Variants in MYH8 observed in about 807,000 individuals in gnomAD.
MYH8 encodes the protein myosin heavy chain 8.
In MYH8, 168 loss-of-function variants were observed where a neutral mutation model predicts 233.2. The observed-to-expected ratio is 0.72, with a 90% CI of 0.64 to 0.82. The LOEUF is 0.82. Ranked by LOEUF, MYH8 falls within the 40% of genes least tolerant of loss-of-function variation. The pLI is 0.00. For synonymous variants in MYH8, 785 were observed against 850.6 expected (o/e 0.92, Z 1.34); for missense variants, 1,995 against 2,327.8 (o/e 0.86, Z 2.94).
At chr17:10,402,229 A>G (rs2072149566) in intron 22 of MYH8, among the ~76,000 whole-genome samples, 1 of 152,194 alleles carries the variant, frequency 6.6e-6, no homozygotes. Context: ...ATTTTGATTT[A>G]GTTAAATTGG....
At chr17:10,412,860 G>A (rs992097170) in intron 12 of MYH8, 132 bp from the exon 13 acceptor site, 1 of 905,920 alleles carries the variant, frequency 1.1e-6, no homozygotes. Flanking sequence ...GCCAAATGAG[G>A]TTTTCTAACC....
intron 39 of MYH8, among the ~76,000 whole-genome samples, chr17:10,390,929 A>G (rs1051578078): frequency 6.6e-6 from 1 of 152,232 alleles, no homozygotes; most frequent in South Asian, 2.1e-4. Flanking sequence ...TTGGGGAAAT[A>G]CCACTTAATA....
chr17:10,413,065 A>C (rs558354691), intron 12 of MYH8, among the ~76,000 whole-genome samples: 12 of 152,102 alleles, frequency 7.9e-5, no homozygotes, highest in Admixed American at 5.9e-4. Flanking sequence ...GGATAAGATA[A>C]ATATTCACTG....
In MYH8 at chr17:10,415,068, GAAATCA is replaced by G. The variant is rs1442595184; in HGVS notation, c.805+42_805+47del. 2 of 1,564,178 alleles carry G rather than the reference GAAATCA, an allele frequency of 1.3e-6. No individual in the cohort carries two copies. ...AGGGTGGCAAAATATCCCTGCAAAT[GAAATCA>G]CTTGTCTCTCTGTTTTGATTTTCAA... On this transcript the variant is annotated intron_variant, in intron 9 of 39. Transcript: ENST00000403437. This position sits in a 1 kb window ranked among gnomAD's most constrained non-coding sequence, Gnocchi z 4.1.
At position 10,412,517 on chromosome 17, in the gene MYH8, C is replaced by G. The variant is rs776491464; in HGVS notation, c.1269G>C (p.Val423=). The part of the protein sequence containing the change: ...YVTKGQTVQQ[V]YNAVGALAKA... ...TGGCCAGAGCACCCACCGCATTGTA[C>G]ACCTTCACAGATAGAGTAATGTTTG... Residue 423 remains valine, a splice_region_variant and synonymous_variant, in exon 14 of 40, where the codon GTG becomes GTC. Coordinates refer to ENST00000403437, the MANE Select transcript of MYH8 (RefSeq NM_002472.3). The G allele has an allele frequency of 6.2e-7, 1 of 1,614,224 alleles. No individual in the cohort carries two copies. The highest frequency in any genetic ancestry group is 1.1e-5 in the South Asian group (1 of 91,088).
At chr17:10,403,642 T>C (rs1031829823) in intron 22 of MYH8, among the ~76,000 whole-genome samples, 10 of 152,044 alleles carry the variant, frequency 6.6e-5, no homozygotes, top group African/African-American at 2.4e-4. Flanking sequence ...AAGGAAAAAT[T>C]GAAAGTTGCT....
rs2072193064 is a variant in MYH8, at chr17:10,406,339, C to G, written c.2230G>C (p.Ala744Pro). ...ATAGATGCAAGAAGTTTCTCAGAAG[C>G]CTTCTTGCTGTCAATGAACTGTCCC... Reference protein sequence around the residue: ...PEGQFIDSKKASEKLLASIDI... With the variant: ...PEGQFIDSKKPSEKLLASIDI... The change falls in exon 20 of 40, where the codon GCT (alanine) becomes CCT (proline). Residue 744 changes from alanine to proline, a missense_variant. Ala to Pro is a conservative substitution (Grantham distance 27). Coordinates refer to ENST00000403437, the MANE Select transcript of MYH8 (RefSeq NM_002472.3). The G allele has an allele frequency of 1.9e-6, 3 of 1,613,222 alleles. No homozygotes were observed. Among genetic ancestry groups the G allele is most frequent in the Non-Finnish European group, 2.5e-6 (3 of 1,179,246 alleles).
At position 10,409,387 on chromosome 17, in the gene MYH8, G is replaced by T; in HGVS notation, c.1789C>A (p.Leu597Met). 2 of 1,614,202 alleles carry T rather than the reference G, an allele frequency of 1.2e-6. No individual in the cohort carries two copies. The highest frequency in any genetic ancestry group is 1.7e-5 in the Admixed American group (1 of 60,028). The change falls in exon 16 of 40, where the codon CTG (leucine) becomes ATG (methionine). Residue 597 changes from leucine (L) to methionine (M), a missense_variant. Physicochemically the swap from Leu to Met is conservative, Grantham distance 15. Transcript: ENST00000403437. Reference protein sequence around the residue: ...GTVDYNITGWLDKNKDPLNDT... With the variant: ...GTVDYNITGWMDKNKDPLNDT... The stretch of plus-strand genomic sequence containing the variant: ...TTCAGGGGGTCCTTATTTTTGTCCA[G>T]CCAGCCAGTAATGTTGTAGTCCACA...
Position 10,406,674 on chromosome 17 carries a change from A to C in MYH8, c.2171+16T>G. 6.3e-7 allele frequency: 1 copy of C among 1,597,410 alleles called. No homozygotes were observed. Among genetic ancestry groups the C allele is most frequent in the Non-Finnish European group, 8.6e-7 (1 of 1,165,068 alleles). On this transcript the variant is annotated intron_variant, in intron 19 of 39. Transcript: ENST00000403437. ...CTAATTCACAGTGTTAATGAAATAC[A>C]TCAAAGAAGACTGACCTTTGTTTGA... is the stretch of plus-strand genomic sequence containing the variant.
chr17:10,409,330 CAGA>C lies in MYH8; in HGVS notation c.1843_1845del (p.Ser615del). On this transcript the variant is annotated inframe_deletion, in exon 16 of 40. Transcript: ENST00000403437. ...AAGAGACTGGCTAGAGTCTTCATTG[CAGA>C]CTTCTGGTACAGCCCAACCACAGTA... 1.9e-6 allele frequency: 3 copies of C among 1,614,240 alleles called. No individual in the cohort carries two copies. Among genetic ancestry groups the C allele is most frequent in the Non-Finnish European group, 2.5e-6 (3 of 1,180,048 alleles).
rs1480860018 is a variant in MYH8, at chr17:10,413,935, G to T, written c.1114C>A (p.Arg372Ser). The T allele has an allele frequency of 3.1e-6, 5 of 1,613,832 alleles. No homozygotes were observed. Among genetic ancestry groups the T allele is most frequent in the Admixed American group, 1.7e-5 (1 of 59,986 alleles). The change falls in exon 12 of 40, where the codon CGT (arginine) becomes AGT (serine). Residue 372 changes from arginine (R) to serine (S), a missense_variant. Transcript: ENST00000403437. ...CCATCTGGCTCAGCTTGCTCCTCAC[G>T]CTGCTTTTGCTTGAATTTCATGTTC... Reference protein sequence around the residue: ...YGNMKFKQKQREEQAEPDGTE... With the variant: ...YGNMKFKQKQSEEQAEPDGTE...
chr17:10,403,483 T>C lies in MYH8; in HGVS notation c.2688+847A>G, dbSNP rs190134361. On this transcript the variant is annotated intron_variant, in intron 22 of 39. Coordinates refer to ENST00000403437, the MANE Select transcript of MYH8 (RefSeq NM_002472.3). ...TTTTCTTTTTTCTTTTTTTGAGCTT[T>C]ACTGCTTAATATATTTATTTTTAAT... Among the ~76,000 whole-genome samples, 674 of 152,290 alleles carry C rather than the reference T, an allele frequency of 4.4e-3. 2 individuals are homozygous for C. Among genetic ancestry groups the C allele is most frequent in the Non-Finnish European group, 7.4e-3 (504 of 68,012 alleles).
chr17:10,415,131 C>T lies in MYH8; in HGVS notation c.790G>A (p.Ala264Thr). The T allele has an allele frequency of 1.9e-6, 3 of 1,613,060 alleles. No individual in the cohort carries two copies. The highest frequency in any genetic ancestry group is 1.7e-4 in the Middle Eastern group (1 of 6,060). ...TGTTACTCACATGTTTCTATATCAG[C>T]AGATGCCAGCTTCCCTGTAGTACCA... is the stretch of plus-strand genomic sequence containing the variant. The part of the protein sequence containing the change: ...HFGTTGKLAS[A>T]DIETYLLEKS... The change falls in exon 9 of 40, where the codon GCT becomes ACT. Residue 264 changes from alanine (A) to threonine (T), a missense_variant. Transcript: ENST00000403437. The surrounding 1 kb of genome is among the most constrained non-coding windows in gnomAD (Gnocchi z 4.1).
rs543916387 is a variant in MYH8 at position 10,396,729 on chromosome 17, A to G, written c.4363-11T>C. The G allele has an allele frequency of 6.2e-6, 10 of 1,614,200 alleles. No homozygotes were observed. In the South Asian group the frequency reaches 8.8e-5, roughly 14 times the overall value. ...CCATTCTGATAGGACCTGAAAAGCA[A>G]TAAATCATGAGTTGATCCAAGGAGA... On this transcript the variant is annotated splice_polypyrimidine_tract_variant and intron_variant, in intron 31 of 39. Coordinates refer to ENST00000403437, the MANE Select transcript of MYH8 (RefSeq NM_002472.3). This position sits in a 1 kb window ranked among gnomAD's most constrained non-coding sequence, Gnocchi z 4.2.
rs1406711722 is a variant in MYH8, at chr17:10,417,656, G to A, written c.511+989C>T. Reference sequence around the variant, plus strand: ...GAGGACAGGGGTGGTGTACATAGCTGTGTAAATGCAGCTGTTGAGTATTAA... The same window carrying A: ...GAGGACAGGGGTGGTGTACATAGCTATGTAAATGCAGCTGTTGAGTATTAA... On this transcript the variant is annotated intron_variant, in intron 5 of 39. Transcript: ENST00000403437. This position sits in a 1 kb window ranked among gnomAD's most constrained non-coding sequence, Gnocchi z 4.1. Among the ~76,000 whole-genome samples the A allele has an allele frequency of 6.6e-6, 1 of 152,176 alleles. No individual in the cohort carries two copies. Among genetic ancestry groups the A allele is most frequent in the Non-Finnish European group, 1.5e-5 (1 of 68,032 alleles).
intron 21 of MYH8, among the ~76,000 whole-genome samples, 181 bp from the exon 22 acceptor site, chr17:10,404,766 C>G (rs1231903797): frequency 6.6e-6 from 1 of 151,876 alleles, no homozygotes; most frequent in Non-Finnish European, 1.5e-5. Flanking sequence ...CACACATTCT[C>G]GCGCTCACAC....
At chr17:10,416,174 C>G (rs1293784331) in intron 5 of MYH8, among the ~76,000 whole-genome samples, 2 of 152,168 alleles carry the variant, frequency 1.3e-5, no homozygotes, top group Admixed American at 6.5e-5. Context: ...TTTGACTACT[C>G]TAGGTACCTC....
chr17:10,412,738 C>T lies in MYH8; in HGVS notation c.1148-10G>A. 1.3e-6 allele frequency: 2 copies of T among 1,596,906 alleles called. No individual in the cohort carries two copies. The highest frequency in any genetic ancestry group is 2.7e-5 in the African/African-American group (2 of 74,672). ...GCTGCCTTGTCAGCGACTGCAGAGA[C>T]ACAGTTCAGGACATGTTGTTTCATG... On this transcript the variant is annotated splice_polypyrimidine_tract_variant and intron_variant, in intron 12 of 39. Coordinates refer to ENST00000403437, the MANE Select transcript of MYH8 (RefSeq NM_002472.3).
At chr17:10,401,835 C>G (rs759093678) in intron 22 of MYH8, 50 bp from the exon 23 acceptor site, 1 of 1,612,634 alleles carries the variant, frequency 6.2e-7, no homozygotes, top group Non-Finnish European at 8.5e-7. Context: ...TATTTTGAAA[C>G]TTGGTGTTTT....
Sources: allele counts gnomAD v4.1 joint callset (sites outside exome capture counted in the v4.1 genomes callset), GRCh38; gene constraint gnomAD v4.1.1; non-coding constraint Gnocchi (gnomAD v3.1); transcripts MANE v1.5; gene names NCBI Gene and HGNC (gene_info 2026-07-23, HGNC 2026-07-21).